The following TCF7L2 variants were observed in gnomAD, a reference collection of about 807,000 sequenced individuals.
TCF7L2 encodes the protein transcription factor 7 like 2, also known as transcription factor 7-like 2.
A neutral mutation model predicts 77.9 loss-of-function variants in TCF7L2; 23 were observed. The ratio of observed to expected loss-of-function variants is 0.30; its 90% CI spans 0.21 to 0.42. The LOEUF (loss-of-function observed/expected upper bound fraction) is 0.42. TCF7L2 is among the 10% of genes least tolerant of loss of function. The probability of loss-of-function intolerance (pLI) is 1.00; values close to 1 mark genes in which losing one functional copy is unlikely to be tolerated. For synonymous variants in TCF7L2, 413 were observed against 340.2 expected, an observed-to-expected ratio of 1.21 and a Z score of -2.36; for missense variants, 654 against 793.1, an observed-to-expected ratio of 0.82 and a Z score of 2.11.
At chr10:112,962,287 C>T (rs962322889) in intron 3 of TCF7L2, among the ~76,000 whole-genome samples, 3 of 151,970 alleles carry the variant, frequency 2.0e-5, no homozygotes, top group Non-Finnish European at 4.4e-5. Flanking sequence ...GGACAAGTTT[C>T]CATTAAGATC....
intron 5 of TCF7L2, among the ~76,000 whole-genome samples, chr10:113,130,658 G>A (rs1229183245): frequency 1.3e-5 from 2 of 152,146 alleles, no homozygotes; most frequent in Non-Finnish European, 2.9e-5. Flanking sequence ...TCATTGTGCT[G>A]TTAATGATTA....
At chr10:113,023,436 G>C (rs1042321267) in intron 4 of TCF7L2, among the ~76,000 whole-genome samples, 9 of 152,150 alleles carry the variant, frequency 5.9e-5, no homozygotes, top group Non-Finnish European at 1.0e-4. Context: ...AAGAAAGGCA[G>C]AGGGATATAT....
chr10:113,134,805 A>G (rs1161813684), intron 5 of TCF7L2, among the ~76,000 whole-genome samples: 1 of 152,200 alleles, frequency 6.6e-6, no homozygotes, highest in Non-Finnish European at 1.5e-5. Context: ...CTGGTAAGTG[A>G]AGACCCCCAA....
intron 4 of TCF7L2, among the ~76,000 whole-genome samples, chr10:113,004,269 G>C (rs1236167779): frequency 6.6e-6 from 1 of 152,138 alleles, no homozygotes; most frequent in Non-Finnish European, 1.5e-5. Context: ...AGGGCAGGGA[G>C]TAGGATGGAT....
intron 4 of TCF7L2, among the ~76,000 whole-genome samples, chr10:113,014,105 A>G (rs2046928262): frequency 6.6e-6 from 1 of 152,244 alleles, no homozygotes; most frequent in Non-Finnish European, 1.5e-5. Flanking sequence ...CACCAAGGGC[A>G]TGTGCCTCGA....
chr10:113,057,833 T>G (rs1024913299), intron 5 of TCF7L2, among the ~76,000 whole-genome samples: 1 of 152,156 alleles, frequency 6.6e-6, no homozygotes, highest in Non-Finnish European at 1.5e-5. Flanking sequence ...TTTTCTGTGC[T>G]CTCTGTCGGC....
chr10:112,962,758 C>G (rs2035595056), intron 3 of TCF7L2, among the ~76,000 whole-genome samples: 1 of 152,158 alleles, frequency 6.6e-6, no homozygotes, highest in Non-Finnish European at 1.5e-5. Flanking sequence ...GCCACCACGC[C>G]TGGCTAATTT....
intron 5 of TCF7L2, among the ~76,000 whole-genome samples, chr10:113,088,626 C>G (rs1250413441): frequency 6.6e-6 from 1 of 152,150 alleles, no homozygotes; most frequent in Non-Finnish European, 1.5e-5. Flanking sequence ...TCTCAAAAGA[C>G]TGTCGCCTGG....
intron 5 of TCF7L2, among the ~76,000 whole-genome samples, chr10:113,140,740 A>G (rs7912600): frequency 0.32 from 48,989 of 151,920 alleles, 8,395 homozygotes; most frequent in Non-Finnish European, 0.35. Flanking sequence ...GGGCCCTGCC[A>G]GTTTCTTGTA....
Position 113,167,198 on chromosome 10 carries a change from T to C in TCF7L2, c.*1226T>C. The C allele has an allele frequency of 4.4e-6, 1 of 229,552 alleles. No individual in the cohort carries two copies. The highest frequency in any genetic ancestry group is 8.6e-6 in the Non-Finnish European group (1 of 115,812). The allele number at this position is 229,552 out of a possible 1,614,324, so 14.2% of individuals were successfully genotyped here. A position where few individuals can be genotyped will look rare whatever the true frequency, so the allele number is the denominator to read the frequency against. ...TTTTAATGTCACCTATAACAAAATGTGTTTGGTAGCAGATTGTCCAGAAAG... is the reference window on the plus strand; with the variant it reads ...TTTTAATGTCACCTATAACAAAATGCGTTTGGTAGCAGATTGTCCAGAAAG... On this transcript the variant is annotated 3_prime_UTR_variant, in exon 14 of 14. Transcript: ENST00000627217.
chr10:112,992,594 C>G (rs572803345), intron 4 of TCF7L2, among the ~76,000 whole-genome samples: 32 of 152,144 alleles, frequency 2.1e-4, no homozygotes, highest in African/African-American at 7.5e-4. Context: ...GTGCCCGGAG[C>G]TCCTGGGAGG....
At chr10:113,132,435 A>G (rs1247098139) in intron 5 of TCF7L2, among the ~76,000 whole-genome samples, 1 of 152,222 alleles carries the variant, frequency 6.6e-6, no homozygotes, top group Non-Finnish European at 1.5e-5. Flanking sequence ...TTAATTCCCC[A>G]GGATGTAATA....
At chr10:113,082,131 A>ATTT (rs10583826) in intron 5 of TCF7L2, among the ~76,000 whole-genome samples, 26 of 135,516 alleles carry the variant, frequency 1.9e-4, no homozygotes, top group African/African-American at 6.7e-4. Flanking sequence ...AGCCACTACC[A>ATTT]TTTTTTTTTT....
chr10:113,137,919 G>A (rs768141149), intron 5 of TCF7L2, among the ~76,000 whole-genome samples: 2 of 152,214 alleles, frequency 1.3e-5, no homozygotes, highest in South Asian at 2.1e-4. Context: ...AATGGGCATC[G>A]TGTGATGTAG....
chr10:112,970,042 G>A (rs1210696871), intron 4 of TCF7L2, among the ~76,000 whole-genome samples: 3 of 152,144 alleles, frequency 2.0e-5, no homozygotes, highest in Admixed American at 1.3e-4. Flanking sequence ...TTTTAAGAGC[G>A]TTTTGGCCAA....
In TCF7L2 at chr10:113,002,467, G is replaced by A. The variant is rs1003777432; in HGVS notation, c.451-37558G>A. ...CTATTGAACATCCTGCAATGCCCAG[G>A]ACAGCCCCCTGTGACAGGAGTCATC... On this transcript the variant is annotated intron_variant, in intron 4 of 13. Coordinates refer to ENST00000627217, the MANE Select transcript of TCF7L2 (RefSeq NM_001146274.2). Among the ~76,000 whole-genome samples the A allele has an allele frequency of 5.3e-5, 8 of 152,280 alleles. 2 individuals carry two copies. The South Asian group carries it at 1.5e-3, about 28-fold the overall frequency.
At chr10:113,075,600 AAG>A (rs1348468731) in intron 5 of TCF7L2, among the ~76,000 whole-genome samples, 4 of 152,210 alleles carry the variant, frequency 2.6e-5, no homozygotes, top group African/African-American at 9.7e-5. Context: ...TCTTCAAAAA[AAG>A]AGAAAAGATT....
intron 5 of TCF7L2, among the ~76,000 whole-genome samples, chr10:113,051,991 T>A (rs1480799642): frequency 4.6e-5 from 7 of 152,154 alleles, no homozygotes; most frequent in Admixed American, 6.5e-5. Context: ...CTCTACTTAC[T>A]AACACTTACT....
intron 5 of TCF7L2, among the ~76,000 whole-genome samples, chr10:113,139,566 T>G (rs2067970473): frequency 6.8e-6 from 1 of 147,282 alleles, no homozygotes; most frequent in South Asian, 2.2e-4. Flanking sequence ...ACAAAGCTCC[T>G]GTAAGCAACC....
Sources: allele counts gnomAD v4.1 joint callset (sites outside exome capture counted in the v4.1 genomes callset), GRCh38; gene constraint gnomAD v4.1.1; transcripts MANE v1.5; gene names NCBI Gene and HGNC (gene_info 2026-07-23, HGNC 2026-07-21).